Variants in PTN observed in about 807,000 individuals in gnomAD.
PTN encodes the protein pleiotrophin.
Under a neutral mutation model 24.1 loss-of-function variants are expected in PTN, and 18 were observed. That is an observed-to-expected ratio of 0.75 (90% CI 0.52 to 1.11). PTN has a LOEUF of 1.11. PTN is among the 50% of genes least tolerant of loss of function. The probability of loss-of-function intolerance (pLI) is 0.00; values close to 1 mark genes in which losing one functional copy is unlikely to be tolerated. For synonymous variants in PTN, 78 were observed against 68.6 expected (o/e 1.14, Z -0.67); for missense variants, 163 against 198.8 (o/e 0.82, Z 1.08).
chr7:137,326,026 T>C (rs554783855), intron 1 of PTN: 1 of 152,324 alleles, frequency 6.6e-6, no homozygotes, highest in African/African-American at 2.4e-5. Flanking sequence ...AATATGGTCT[T>C]ACCACATTTT....
intron 4 of PTN, among the ~76,000 whole-genome samples, chr7:137,251,004 G>T (rs1012204070): frequency 1.3e-5 from 2 of 152,180 alleles, no homozygotes; most frequent in Admixed American, 1.3e-4. Context: ...TGGGTTAGGA[G>T]ACTGTACCAA....
chr7:137,336,247 T>TA (rs375234557), intron 1 of PTN, among the ~76,000 whole-genome samples: 24 of 152,206 alleles, frequency 1.6e-4, no homozygotes, highest in Middle Eastern at 3.4e-3. Flanking sequence ...CACTTAGAGC[T>TA]AAAAAACCTA....
At chr7:137,327,928 T>C (rs1051047369) in intron 1 of PTN, among the ~76,000 whole-genome samples, 4 of 152,292 alleles carry the variant, frequency 2.6e-5, no homozygotes, top group Non-Finnish European at 5.9e-5. Flanking sequence ...TGAGAGGTTC[T>C]TGACTTCAGG....
At chr7:137,304,914 A>G (rs958654526) in intron 1 of PTN, among the ~76,000 whole-genome samples, 1 of 152,030 alleles carries the variant, frequency 6.6e-6, no homozygotes, top group Non-Finnish European at 1.5e-5. Context: ...ACTCATCTAA[A>G]GGAAATTATT....
intron 4 of PTN, among the ~76,000 whole-genome samples, chr7:137,246,855 T>C (rs560040534): frequency 5.3e-5 from 8 of 152,352 alleles, no homozygotes; most frequent in African/African-American, 1.4e-4. Context: ...ACTTTAAATT[T>C]GAATCTGGTT....
intron 1 of PTN, among the ~76,000 whole-genome samples, chr7:137,314,881 C>T (rs1289101938): frequency 6.6e-6 from 1 of 152,188 alleles, no homozygotes; most frequent in Non-Finnish European, 1.5e-5. Context: ...GTGTGAGCCA[C>T]CGCACCCGGC....
At chr7:137,324,711 A>G (rs1318582425) in intron 1 of PTN, 1 of 152,108 alleles carries the variant, frequency 6.6e-6, no homozygotes, top group Non-Finnish European at 1.5e-5. Flanking sequence ...CAGTAAGGTC[A>G]GTGAGGCAAC....
chr7:137,229,964 G>C (rs1808400293), intron 4 of PTN, among the ~76,000 whole-genome samples: 1 of 151,766 alleles, frequency 6.6e-6, no homozygotes, highest in African/African-American at 2.4e-5. Flanking sequence ...TTTCAACTGA[G>C]ACCTAACTCT....
intron 4 of PTN, among the ~76,000 whole-genome samples, chr7:137,239,156 A>C (rs188086177): frequency 6.6e-6 from 1 of 152,272 alleles, no homozygotes; most frequent in Admixed American, 6.5e-5. Context: ...AAATTCTTCA[A>C]TAAGGAGGGG....
intron 1 of PTN, among the ~76,000 whole-genome samples, chr7:137,296,508 A>G (rs1809720404): frequency 6.6e-6 from 1 of 152,068 alleles, no homozygotes; most frequent in Non-Finnish European, 1.5e-5. Flanking sequence ...CAATTGCCAG[A>G]TGCCAGGAGA....
At chr7:137,296,803 C>T (rs547306269) in intron 1 of PTN, among the ~76,000 whole-genome samples, 1 of 152,146 alleles carries the variant, frequency 6.6e-6, no homozygotes, top group African/African-American at 2.4e-5. Context: ...CATTATTTTT[C>T]TGAGGATCGG....
intron 4 of PTN, among the ~76,000 whole-genome samples, chr7:137,237,289 A>C: frequency 6.9e-6 from 1 of 144,624 alleles, no homozygotes; most frequent in South Asian, 2.3e-4. Flanking sequence ...TAAACCAGGA[A>C]GAGGGGCCTC....
chr7:137,253,385 T>C, intron 3 of PTN, 79 bp downstream of exon 3: 3 of 1,404,780 alleles, frequency 2.1e-6, no homozygotes, highest in East Asian at 4.8e-5. Context: ...AAAAAGTACT[T>C]ATCCTTAAAA....
At position 137,283,952 on chromosome 7, in the gene PTN, A is replaced by ATTTTTTTTTTT. The variant is rs753374720; in HGVS notation, c.-1-28989_-1-28979dup. ...AAATGAATGTGAAAATGAGCATCAGATTTTTTTTTTTTTTTTTTTTTTTTT... is the reference window on the plus strand; with the variant it reads ...AAATGAATGTGAAAATGAGCATCAGATTTTTTTTTTTTTTTTTTTTTTTTTTTTTTTTTTTT... On this transcript the variant is annotated intron_variant, in intron 1 of 4. Transcript: ENST00000348225. Among the ~76,000 whole-genome samples, 44 of 48,922 alleles carry ATTTTTTTTTTT rather than the reference A, an allele frequency of 9.0e-4. 11 individuals carry two copies. The highest frequency in any genetic ancestry group is 4.6e-3 in the East Asian group (6 of 1,294). The allele number at this position is 48,922 out of a possible 152,430, so 32.1% of individuals were successfully genotyped here.
intron 4 of PTN, among the ~76,000 whole-genome samples, chr7:137,230,457 G>A (rs960403015): frequency 1.1e-4 from 16 of 151,744 alleles, no homozygotes; most frequent in African/African-American, 3.4e-4. Context: ...CAGAACTTGA[G>A]TCTACTCTGG....
At chr7:137,238,428 T>C (rs1808562231) in intron 4 of PTN, among the ~76,000 whole-genome samples, 1 of 152,240 alleles carries the variant, frequency 6.6e-6, no homozygotes, top group African/African-American at 2.4e-5. Context: ...TGATCATTTG[T>C]TTTCAGAGTA....
chr7:137,278,713 G>A, intron 1 of PTN, among the ~76,000 whole-genome samples: 1 of 151,990 alleles, frequency 6.6e-6, no homozygotes, highest in Non-Finnish European at 1.5e-5. Context: ...GGCCAAAGCA[G>A]GTGGATCACT....
chr7:137,236,630 T>C (rs997013984), intron 4 of PTN, among the ~76,000 whole-genome samples: 32 of 152,238 alleles, frequency 2.1e-4, no homozygotes, highest in African/African-American at 7.2e-4. Flanking sequence ...ACACCACAGA[T>C]TCATCGACCT....
chr7:137,283,947 A>C (rs1809512472), intron 1 of PTN, among the ~76,000 whole-genome samples: 1 of 122,264 alleles, frequency 8.2e-6, no homozygotes, highest in Admixed American at 8.7e-5. Flanking sequence ...GAAAATGAGC[A>C]TCAGATTTTT....
Sources: allele counts gnomAD v4.1 joint callset (sites outside exome capture counted in the v4.1 genomes callset), GRCh38; gene constraint gnomAD v4.1.1; transcripts MANE v1.5; gene names NCBI Gene and HGNC (gene_info 2026-07-23, HGNC 2026-07-21).